KIT: variants seen among roughly 807,000 people sequenced by gnomAD.
KIT encodes KIT proto-oncogene, receptor tyrosine kinase.
A neutral mutation model predicts 105.7 loss-of-function variants in KIT; 16 were observed. That is an observed-to-expected ratio of 0.15 (90% CI 0.10 to 0.23). The LOEUF (loss-of-function observed/expected upper bound fraction) is 0.23, where lower values mean the gene tolerates loss of function less well. KIT is among the 10% of genes least tolerant of loss of function. The pLI is 1.00. For synonymous variants in KIT, 438 were observed against 441.1 expected, an observed-to-expected ratio of 0.99 and a Z score of 0.09; for missense variants, 858 against 1,213.8, an observed-to-expected ratio of 0.71 and a Z score of 4.36.
chr4:54,728,441 TG>T (rs1722377284), intron 13 of KIT, among the ~76,000 whole-genome samples: 1 of 152,210 alleles, frequency 6.6e-6, no homozygotes, highest in Non-Finnish European at 1.5e-5. Flanking sequence ...CTTGATCATA[TG>T]TAGCCACTGA....
chr4:54,703,391 A>T (rs1395847359), intron 4 of KIT, among the ~76,000 whole-genome samples: 1 of 152,222 alleles, frequency 6.6e-6, no homozygotes, highest in Non-Finnish European at 1.5e-5. Flanking sequence ...GACTCATATT[A>T]CAAAATATCA....
chr4:54,658,412 G>T (rs889845032), intron 1 of KIT, among the ~76,000 whole-genome samples: 1 of 152,116 alleles, frequency 6.6e-6, no homozygotes, highest in South Asian at 2.1e-4. Flanking sequence ...CGCGGGGGGC[G>T]GAGGCGGGGG....
chr4:54,715,701 C>T (rs890819113), intron 7 of KIT, among the ~76,000 whole-genome samples: 1 of 152,112 alleles, frequency 6.6e-6, no homozygotes, highest in Non-Finnish European at 1.5e-5. Context: ...GCCCCACCTC[C>T]AGTATTCAGG....
intron 7 of KIT, among the ~76,000 whole-genome samples, chr4:54,721,130 G>T (rs149712974): frequency 8.5e-4 from 130 of 152,322 alleles, no homozygotes; most frequent in African/African-American, 3.1e-3. Flanking sequence ...CAATCAGTAA[G>T]ATGTCGTTTC....
intron 7 of KIT, among the ~76,000 whole-genome samples, chr4:54,710,947 A>G (rs969226241): frequency 1.3e-5 from 2 of 152,194 alleles, no homozygotes; most frequent in Admixed American, 1.3e-4. Flanking sequence ...TGGAGTGATC[A>G]TAGCTCACTA....
intron 20 of KIT, among the ~76,000 whole-genome samples, chr4:54,737,759 A>G (rs1275425154): frequency 6.6e-6 from 1 of 152,242 alleles, no homozygotes; most frequent in Admixed American, 6.5e-5. Context: ...CCCACAAGCC[A>G]TATAGAATGA....
At chr4:54,729,506 T>C in intron 14 of KIT, 21 bp downstream of exon 14, 1 of 1,611,158 alleles carries the variant, frequency 6.2e-7, no homozygotes, top group Non-Finnish European at 8.5e-7. Flanking sequence ...TTTACATAAA[T>C]AGTTAGCTGT....
chr4:54,701,630 A>G (rs1720456947), intron 4 of KIT, among the ~76,000 whole-genome samples: 1 of 151,638 alleles, frequency 6.6e-6, no homozygotes, highest in Non-Finnish European at 1.5e-5. Flanking sequence ...TTCATGCTGC[A>G]TCTCTTATGA....
chr4:54,719,455 A>C (rs530641330), intron 7 of KIT, among the ~76,000 whole-genome samples: 1 of 152,350 alleles, frequency 6.6e-6, no homozygotes, highest in African/African-American at 2.4e-5. Context: ...TAATTGCATG[A>C]GCAATAAATT....
chr4:54,722,264 T>C (rs1346624132), intron 7 of KIT, among the ~76,000 whole-genome samples: 1 of 152,332 alleles, frequency 6.6e-6, no homozygotes, highest in African/African-American at 2.4e-5. Flanking sequence ...GTGCTGGGAT[T>C]ATAGGCTTGA....
At position 54,736,156 on chromosome 4, in the gene KIT, G is replaced by A. The variant is rs73818394; in HGVS notation, c.2485-342G>A. Among the ~76,000 whole-genome samples the A allele has an allele frequency of 3.9e-3, 593 of 152,284 alleles. 5 individuals are homozygous for A. Among genetic ancestry groups the A allele is most frequent in the African/African-American group, 0.013 (561 of 41,558 alleles). ...CCGTGTTTCTGTTTTTAAGGAAGGA[G>A]AGGGACATATTCAGTGGAAACTAAC... On this transcript the variant is annotated intron_variant, in intron 17 of 20. Transcript: ENST00000288135.
At chr4:54,702,831 A>T (rs1720537068) in intron 4 of KIT, among the ~76,000 whole-genome samples, 1 of 152,148 alleles carries the variant, frequency 6.6e-6, no homozygotes, top group Non-Finnish European at 1.5e-5. Context: ...TATTAGGTTT[A>T]CCAAAGCCTC....
rs765503364 is a variant in KIT at position 54,738,523 on chromosome 4, C to A, written c.2897C>A (p.Ser966Tyr). The A allele has an allele frequency of 3.7e-6, 6 of 1,614,134 alleles. No individual in the cohort carries two copies. Among genetic ancestry groups the A allele is most frequent in the Non-Finnish European group, 4.2e-6 (5 of 1,180,022 alleles). Residue 966 changes from serine to tyrosine, a missense_variant, in exon 21 of 21, where the codon TCC becomes TAC. Ser to Tyr is a moderately radical substitution (Grantham distance 144). Transcript: ENST00000288135. ...AATTCTGTCGGCAGCACCGCTTCCT[C>A]CTCCCAGCCTCTGCTTGTGCACGAC... ...RINSVGSTAS[S>Y]SQPLLVHDDV
chr4:54,673,390 T>G (rs1718250215), intron 1 of KIT, among the ~76,000 whole-genome samples: 1 of 152,240 alleles, frequency 6.6e-6, no homozygotes, highest in Admixed American at 6.5e-5. Context: ...TCTGGTTCAT[T>G]TAAGACACTG....
rs147367441 is a variant in KIT at position 54,703,809 on chromosome 4, G to A, written c.842G>A (p.Arg281Lys). 1.7e-5 allele frequency: 28 copies of A among 1,613,668 alleles called. No individual in the cohort carries two copies. The highest frequency in any genetic ancestry group is 4.0e-5 in the African/African-American group (3 of 74,908). ...RQATLTISSARVNDSGVFMCY... is the reference protein window; with the variant it reads ...RQATLTISSAKVNDSGVFMCY... ...GCAACGTTGACTATCAGTTCAGCGA[G>A]AGTTAATGATTCTGGAGTGTTCATG... The change falls in exon 5 of 21, where the codon AGA becomes AAA. Residue 281 changes from arginine to lysine, a missense_variant. This residue lies in a region of KIT where 401 missense variants were observed against 601.0 expected (regional missense o/e 0.67). Transcript: ENST00000288135.
Position 54,737,247 on chromosome 4 carries a change from A to G in KIT, c.2769A>G (p.Leu923=). 1 of 1,613,600 alleles carries G rather than the reference A, an allele frequency of 6.2e-7. No homozygotes were observed. The highest frequency in any genetic ancestry group is 8.5e-7 in the Non-Finnish European group (1 of 1,179,536). The change falls in exon 20 of 21, where the codon CTA becomes CTG. Residue 923 remains leucine, a synonymous_variant. Coordinates refer to ENST00000288135, the MANE Select transcript of KIT (RefSeq NM_000222.3). ...CAACATTCAAGCAAATTGTTCAGCT[A>G]ATTGAGAAGCAGATTTCAGAGAGCA... ...KRPTFKQIVQ[L]IEKQISESTN... is the part of the protein sequence containing the mutation.
At chr4:54,686,543 G>A (rs1215714374) in intron 1 of KIT, among the ~76,000 whole-genome samples, 4 of 152,134 alleles carry the variant, frequency 2.6e-5, no homozygotes, top group Admixed American at 2.6e-4. Context: ...CTAAACCTGA[G>A]TAGGTTTTTT....
chr4:54,680,320 G>T (rs1046582208), intron 1 of KIT, among the ~76,000 whole-genome samples: 1 of 150,414 alleles, frequency 6.6e-6, no homozygotes, highest in Non-Finnish European at 1.5e-5. Flanking sequence ...CAAATTAGAT[G>T]CCATAAGTTA....
At chr4:54,732,921 A>G in intron 16 of KIT, 149 bp from the exon 17 acceptor site, 1 of 626,186 alleles carries the variant, frequency 1.6e-6, no homozygotes, top group South Asian at 2.0e-5. Context: ...CGTACTTTTG[A>G]TTTTTATTTT....
Sources: allele counts gnomAD v4.1 joint callset (sites outside exome capture counted in the v4.1 genomes callset), GRCh38; gene constraint gnomAD v4.1.1; regional missense constraint gnomAD v4.1.1; transcripts MANE v1.5; gene names NCBI Gene and HGNC (gene_info 2026-07-23, HGNC 2026-07-21).